The following PDE4D variants were observed in gnomAD, a reference collection of about 807,000 sequenced individuals.
The protein encoded by PDE4D is 3',5'-cyclic-AMP phosphodiesterase 4D.
PDE4D carries 24 observed loss-of-function variants against 87.4 expected under a neutral mutation model. The observed-to-expected ratio is 0.27, with a 90% CI of 0.20 to 0.39. The LOEUF is 0.39. PDE4D is among the 10% of genes least tolerant of loss of function. PDE4D has a pLI of 1.00. For missense variants in PDE4D, 714 were observed against 1,041.0 expected, an observed-to-expected ratio of 0.69 and a Z score of 4.32; for synonymous variants, 384 against 383.2, an observed-to-expected ratio of 1.00 and a Z score of -0.02.
At chr5:59,250,661 A>G (rs1212452378) in intron 1 of PDE4D, among the ~76,000 whole-genome samples, 1 of 152,022 alleles carries the variant, frequency 6.6e-6, no homozygotes, top group Non-Finnish European at 1.5e-5. Flanking sequence ...AAGCTGTGAA[A>G]TACAGAACTA....
chr5:60,232,541 C>A (rs929144502), intron 1 of PDE4D, among the ~76,000 whole-genome samples: 2 of 151,850 alleles, frequency 1.3e-5, no homozygotes, highest in Admixed American at 6.6e-5. Flanking sequence ...GATGTGACAG[C>A]GCCTCAGATC....
intron 5 of PDE4D, among the ~76,000 whole-genome samples, chr5:59,066,598 C>A (rs1366141454): frequency 4.6e-5 from 7 of 151,846 alleles, no homozygotes; most frequent in Non-Finnish European, 8.8e-5. Flanking sequence ...TGGTGGGGGA[C>A]CATGGAAAGA....
At chr5:59,453,215 T>C (rs1799423092) in intron 1 of PDE4D, among the ~76,000 whole-genome samples, 2 of 152,190 alleles carry the variant, frequency 1.3e-5, no homozygotes. Context: ...TTAATGGGTG[T>C]TCTGACTGCT....
At chr5:60,354,111 C>G (rs970034382) in intron 1 of PDE4D, among the ~76,000 whole-genome samples, 1 of 151,922 alleles carries the variant, frequency 6.6e-6, no homozygotes, top group Non-Finnish European at 1.5e-5. Flanking sequence ...AAAAATGTTC[C>G]AAATCAAACC....
At chr5:59,100,061 A>C (rs1401676876) in intron 5 of PDE4D, among the ~76,000 whole-genome samples, 2 of 152,220 alleles carry the variant, frequency 1.3e-5, no homozygotes, top group Non-Finnish European at 2.9e-5. Flanking sequence ...TGTCATGCTT[A>C]GAACATTCCA....
At chr5:59,613,505 G>A (rs1829263986) in intron 1 of PDE4D, among the ~76,000 whole-genome samples, 1 of 152,156 alleles carries the variant, frequency 6.6e-6, no homozygotes, top group African/African-American at 2.4e-5. Context: ...GCAGAAGGAG[G>A]ACAGAAGACT....
intron 1 of PDE4D, among the ~76,000 whole-genome samples, chr5:60,316,340 C>A (rs1755596319): frequency 6.6e-6 from 1 of 152,104 alleles, no homozygotes; most frequent in Non-Finnish European, 1.5e-5. Flanking sequence ...GATTTTGTAT[C>A]CTGAGACTTT....
intron 1 of PDE4D, among the ~76,000 whole-genome samples, chr5:59,641,563 C>A (rs1741588625): frequency 6.6e-6 from 1 of 151,970 alleles, no homozygotes; most frequent in Admixed American, 6.6e-5. Context: ...AAACATTGTC[C>A]AGAAATAAAA....
chr5:60,468,130 C>CTTCT (rs1554040598), intron 1 of PDE4D, among the ~76,000 whole-genome samples: 1 of 126,186 alleles, frequency 7.9e-6, no homozygotes, highest in Non-Finnish European at 1.7e-5. Context: ...AACTTTCTTT[C>CTTCT]TTTTTTCTTT....
chr5:60,132,032 C>A (rs1250379201), intron 2 of PDE4D, among the ~76,000 whole-genome samples: 1 of 152,184 alleles, frequency 6.6e-6, no homozygotes, highest in African/African-American at 2.4e-5. Flanking sequence ...TCTCTTACCA[C>A]TGATGGCCTT....
At chr5:60,211,174 G>A (rs1743167386) in intron 1 of PDE4D, among the ~76,000 whole-genome samples, 1 of 152,250 alleles carries the variant, frequency 6.6e-6, no homozygotes, top group Non-Finnish European at 1.5e-5. Context: ...CCGTCATTCC[G>A]GAAACACAGC....
chr5:59,516,968 CAT>C (rs540824999), intron 1 of PDE4D, among the ~76,000 whole-genome samples: 1 of 151,740 alleles, frequency 6.6e-6, no homozygotes, highest in Non-Finnish European at 1.5e-5. Flanking sequence ...CACACACACA[CAT>C]ACACAGTCAT....
At position 59,638,689 on chromosome 5, in the gene PDE4D, GT is replaced by G. The variant is rs112132929; in HGVS notation, c.455+254478del. ...ATACGTGTGAACACAGTTTTTTGTTGTTTTTTTTTTAAAGAAATGTAAGGAC... is the reference window on the plus strand; with the variant it reads ...ATACGTGTGAACACAGTTTTTTGTTGTTTTTTTTTAAAGAAATGTAAGGAC... On this transcript the variant is annotated intron_variant, in intron 1 of 14. Coordinates refer to ENST00000340635, the MANE Select transcript of PDE4D (RefSeq NM_001104631.2). Among the ~76,000 whole-genome samples the G allele has an allele frequency of 1.5e-3, 219 of 148,142 alleles. 5 individuals carry two copies. The East Asian group carries it at 0.036, about 24-fold the overall frequency.
At chr5:59,678,140 A>G (rs1370728728) in intron 1 of PDE4D, among the ~76,000 whole-genome samples, 1 of 143,924 alleles carries the variant, frequency 6.9e-6, no homozygotes, top group Non-Finnish European at 1.5e-5. Context: ...CAAAAAGAGT[A>G]AAAAAAAATG....
intron 1 of PDE4D, among the ~76,000 whole-genome samples, chr5:59,662,119 C>A (rs958526331): frequency 6.6e-6 from 1 of 152,138 alleles, no homozygotes; most frequent in East Asian, 1.9e-4. Flanking sequence ...TTACCCTGGG[C>A]CACAGTTCCG....
intron 2 of PDE4D, among the ~76,000 whole-genome samples, chr5:60,009,254 T>C (rs1227316007): frequency 6.6e-6 from 1 of 152,070 alleles, no homozygotes; most frequent in African/African-American, 2.4e-5. Flanking sequence ...AAGTAAGTTA[T>C]TTAATCTGAT....
chr5:60,318,129 C>G (rs543192744), intron 1 of PDE4D, among the ~76,000 whole-genome samples: 3 of 152,194 alleles, frequency 2.0e-5, no homozygotes, highest in Non-Finnish European at 4.4e-5. Flanking sequence ...AAGTCTCTTT[C>G]TAGGTCTCTA....
chr5:60,006,854 C>T (rs1345998986), intron 2 of PDE4D, among the ~76,000 whole-genome samples: 1 of 151,848 alleles, frequency 6.6e-6, no homozygotes, highest in Admixed American at 6.6e-5. Context: ...AAATCTATTA[C>T]CATATCCAAT....
At chr5:60,324,174 G>A (rs1333404184) in intron 1 of PDE4D, among the ~76,000 whole-genome samples, 1 of 152,194 alleles carries the variant, frequency 6.6e-6, no homozygotes, top group Non-Finnish European at 1.5e-5. Flanking sequence ...TTTTTGTTGG[G>A]TGAATGAACA....
Sources: gnomAD v4.1 joint callset for allele counts (sites outside exome capture counted in the v4.1 genomes callset) on GRCh38, gnomAD v4.1.1 for gene constraint, MANE v1.5 for transcripts, NCBI Gene and HGNC (gene_info 2026-07-23, HGNC 2026-07-21) for gene names.